Variants in DMD observed in about 807,000 individuals in gnomAD.
DMD encodes dystrophin.
Under a neutral mutation model 330.1 loss-of-function variants are expected in DMD, and 63 were observed. The ratio of observed to expected loss-of-function variants is 0.19; its 90% CI spans 0.16 to 0.24. DMD has a LOEUF of 0.24. Ranked by LOEUF, DMD falls within the 10% of genes least tolerant of loss-of-function variation. The pLI, the probability that DMD is intolerant of heterozygous loss-of-function variation, is 1.00. For synonymous variants in DMD, 1,223 were observed against 959.8 expected (o/e 1.27, Z -5.07); for missense variants, 3,344 against 2,684.1 (o/e 1.25, Z -5.43).
chrX:32,509,937 T>A (rs755788951), intron 18 of DMD, among the ~76,000 whole-genome samples: 1 of 111,292 alleles, frequency 9.0e-6, no homozygotes, highest in South Asian at 3.8e-4. Context: ...GGCTCTAACC[T>A]CAAAACATAG....
chrX:32,237,125 A>G (rs1432375544), intron 43 of DMD, among the ~76,000 whole-genome samples: 1 of 110,723 alleles, frequency 9.0e-6, no homozygotes, highest in Non-Finnish European at 1.9e-5. Flanking sequence ...CTTAAGGGAC[A>G]CCTCTTTTGC....
At chrX:32,790,591 G>T (rs1412125583) in intron 7 of DMD, among the ~76,000 whole-genome samples, 1 of 111,483 alleles carries the variant, frequency 9.0e-6, no homozygotes, top group East Asian at 2.8e-4. Context: ...CATTCCTGGA[G>T]TCTCAGTGAT....
chrX:31,899,602 G>T (rs1176827047), intron 47 of DMD, among the ~76,000 whole-genome samples: 1 of 111,227 alleles, frequency 9.0e-6, no homozygotes, highest in Non-Finnish European at 1.9e-5. Context: ...CTAGGAGTTG[G>T]AAGGTGGGAA....
At chrX:33,142,318 C>G (rs1276339263) in intron 1 of DMD, among the ~76,000 whole-genome samples, 1 of 112,794 alleles carries the variant, frequency 8.9e-6, no homozygotes, top group Non-Finnish European at 1.9e-5. Context: ...CTCCTGACCT[C>G]AGGTGATCCA....
chrX:31,988,852 C>T (rs2095530289), intron 44 of DMD, among the ~76,000 whole-genome samples: 1 of 110,749 alleles, frequency 9.0e-6, no homozygotes, highest in South Asian at 3.9e-4. Context: ...TGGCTCATTA[C>T]GAATCTGGAG....
At chrX:33,009,576 A>G (rs866909149) in intron 2 of DMD, among the ~76,000 whole-genome samples, 1 of 45,581 alleles carries the variant, frequency 2.2e-5, no homozygotes, top group East Asian at 1.2e-3. Flanking sequence ...ATGTGTATAT[A>G]CACATATGTG....
intron 9 of DMD, among the ~76,000 whole-genome samples, chrX:32,652,935 G>T (rs934047958): frequency 8.9e-6 from 1 of 112,012 alleles, no homozygotes; most frequent in Admixed American, 9.5e-5. Flanking sequence ...TTTTTTTCAT[G>T]TGTCTGTTGG....
intron 44 of DMD, among the ~76,000 whole-genome samples, chrX:32,097,780 A>G (rs1318538204): frequency 2.7e-5 from 3 of 112,182 alleles, no homozygotes; most frequent in Non-Finnish European, 5.6e-5. Flanking sequence ...GGCATTTTGC[A>G]TGTTTTACAG....
At chrX:31,296,294 A>C (rs895000335) in intron 62 of DMD, among the ~76,000 whole-genome samples, 2 of 112,066 alleles carry the variant, frequency 1.8e-5, no homozygotes, top group Non-Finnish European at 3.8e-5. Flanking sequence ...TAACTATCTT[A>C]TAAGTATGGT....
intron 44 of DMD, among the ~76,000 whole-genome samples, chrX:32,027,135 A>G: frequency 1.1e-5 from 1 of 93,415 alleles, no homozygotes; most frequent in Non-Finnish European, 2.1e-5. Context: ...AGAAAGGTTG[A>G]GTATTATGAC....
intron 44 of DMD, among the ~76,000 whole-genome samples, chrX:32,134,587 A>G (rs1198596270): frequency 1.8e-5 from 2 of 111,327 alleles, no homozygotes; most frequent in Non-Finnish European, 3.8e-5. Context: ...CACAATTCTA[A>G]AAAAAAGATA....
intron 62 of DMD, among the ~76,000 whole-genome samples, chrX:31,318,444 CAA>C (rs1569525189): frequency 8.9e-6 from 1 of 112,301 alleles, no homozygotes; most frequent in African/African-American, 3.2e-5. Context: ...GCAACAGTAA[CAA>C]GAAATGTTGA....
intron 7 of DMD, among the ~76,000 whole-genome samples, chrX:32,763,925 C>G (rs557617892): frequency 5.4e-5 from 6 of 111,413 alleles, no homozygotes; most frequent in African/African-American, 1.9e-4. Flanking sequence ...AAATTAAAAA[C>G]AGCCTAAATA....
chrX:32,832,854 G>A (rs988008729), intron 4 of DMD, among the ~76,000 whole-genome samples: 2 of 111,299 alleles, frequency 1.8e-5, no homozygotes, highest in African/African-American at 6.5e-5. Flanking sequence ...TATTGCCACT[G>A]TGGACCTGGA....
chrX:33,015,686 C>A (rs1423154969), intron 2 of DMD, among the ~76,000 whole-genome samples: 2 of 111,149 alleles, frequency 1.8e-5, no homozygotes, highest in African/African-American at 3.3e-5. Context: ...AAAAGAAAGG[C>A]TACCTTACTG....
At chrX:31,962,498 G>A (rs1427864649) in intron 45 of DMD, among the ~76,000 whole-genome samples, 1 of 111,543 alleles carries the variant, frequency 9.0e-6, no homozygotes, top group Non-Finnish European at 1.9e-5. Context: ...CAACTCCCAG[G>A]TGATGTCTGT....
At chrX:32,433,762 T>TA (rs1235609706) in intron 29 of DMD, among the ~76,000 whole-genome samples, 1 of 112,013 alleles carries the variant, frequency 8.9e-6, no homozygotes, top group Admixed American at 9.5e-5. Flanking sequence ...ATCTGACAAT[T>TA]AAAAGGGTAC....
At chrX:31,892,938 C>T (rs1290785621) in intron 47 of DMD, among the ~76,000 whole-genome samples, 1 of 111,783 alleles carries the variant, frequency 8.9e-6, no homozygotes, top group Admixed American at 9.5e-5. Context: ...TAAATTTCAC[C>T]TGTTTATTTT....
At chrX:32,831,822 T>C (rs191469038) in intron 4 of DMD, among the ~76,000 whole-genome samples, 2 of 110,684 alleles carry the variant, frequency 1.8e-5, no homozygotes, top group Admixed American at 1.9e-4. Flanking sequence ...TTTAGAGTTT[T>C]GTGTATCATT....
Sources: gnomAD v4.1 joint callset for allele counts (sites outside exome capture counted in the v4.1 genomes callset) on GRCh38, gnomAD v4.1.1 for gene constraint, MANE v1.5 for transcripts, NCBI Gene and HGNC (gene_info 2026-07-23, HGNC 2026-07-21) for gene names.